Variants in LILRB1 observed in about 807,000 individuals in gnomAD.
LILRB1 encodes leukocyte immunoglobulin-like receptor subfamily B member 1.
Under a neutral mutation model 74.6 loss-of-function variants are expected in LILRB1, and 59 were observed. That is an observed-to-expected ratio of 0.79 (90% CI 0.64 to 0.98). LILRB1 has a LOEUF of 0.98. Among genes scored for constraint, LILRB1 ranks in the 50% least tolerant of loss-of-function variants. The pLI is 0.00. For missense variants in LILRB1, 804 were observed against 822.6 expected, an observed-to-expected ratio of 0.98 and a Z score of 0.28; for synonymous variants, 328 against 333.9, an observed-to-expected ratio of 0.98 and a Z score of 0.19.
chr19:54,632,675 C>A lies in LILRB1; in HGVS notation c.873C>A (p.Tyr291Ter). 1 of 1,613,550 alleles carries A rather than the reference C, an allele frequency of 6.2e-7. No individual in the cohort carries two copies. The highest frequency in any genetic ancestry group is 1.1e-5 in the South Asian group (1 of 91,054). Residue 291 changes from tyrosine to a stop codon, truncating the protein, a stop_gained, in exon 6 of 15, where the codon TAC (tyrosine) becomes TAA (stop). Coordinates refer to ENST00000324602, the MANE Select transcript of LILRB1 (RefSeq NM_001081637.3). LOFTEE classifies it high-confidence loss of function. ...CCCTGGGCCCTGTGAGCCGCTCCTA[C>A]GGGGGCCAGTACAGATGCTACGGTG... ...NFTLGPVSRS[Y>*]GGQYRCYGAH...
Position 54,636,883 on chromosome 19 carries a change from G to C in LILRB1, c.*5G>C, listed in dbSNP as rs1483732876. On this transcript the variant is annotated 3_prime_UTR_variant, in exon 15 of 15. Coordinates refer to ENST00000324602, the MANE Select transcript of LILRB1 (RefSeq NM_001081637.3). ...GCCACTCTGGCCATCCACTAGCCCA[G>C]GGGGGGACGCAGACCCCACACTCCA... The C allele has an allele frequency of 2.5e-6, 4 of 1,609,004 alleles. No individual in the cohort carries two copies. The highest frequency in any genetic ancestry group is 1.7e-5 in the Admixed American group (1 of 59,942).
intron 13 of LILRB1, 102 bp from the exon 14 acceptor site, chr19:54,636,392 C>T (rs999167442): frequency 8.4e-6 from 13 of 1,550,260 alleles, no homozygotes; most frequent in East Asian, 4.5e-5. Context: ...GAGATTCCAT[C>T]GGGAAAGGGA....
In LILRB1 at chr19:54,636,908, A is replaced by G. The variant is rs370106064; in HGVS notation, c.*30A>G. 5.3e-5 allele frequency: 86 copies of G among 1,612,512 alleles called. No individual in the cohort carries two copies. In the African/African-American group the frequency reaches 8.4e-4, roughly 16 times the overall value. On this transcript the variant is annotated 3_prime_UTR_variant, in exon 15 of 15. Transcript: ENST00000324602. ...GGGGGGGACGCAGACCCCACACTCC[A>G]TGGAGTCTGGAATGCATGGGAGCTG...
Position 54,631,286 on chromosome 19 carries a change from C to T in LILRB1, c.50C>T (p.Pro17Leu). 1.2e-6 allele frequency: 2 copies of T among 1,613,502 alleles called. No individual in the cohort carries two copies. Among genetic ancestry groups the T allele is most frequent in the Non-Finnish European group, 1.7e-6 (2 of 1,179,952 alleles). ...VLICLGLSLGPRTHVQAGHLP... is the reference protein window; with the variant it reads ...VLICLGLSLGLRTHVQAGHLP... ...TCTCTTCCAGGGCTGAGTCTGGGCC[C>T]CCGGACCCACGTGCAGGCAGGTGAG... The change falls in exon 3 of 15, where the codon CCC becomes CTC. Residue 17 changes from proline to leucine, a missense_variant. Transcript: ENST00000324602.
rs532303286 is a variant in LILRB1, at chr19:54,631,259, A to G, written c.35-12A>G. The G allele has an allele frequency of 3.2e-5, 52 of 1,613,508 alleles. No individual in the cohort carries two copies. The Admixed American group carries it at 6.8e-4, about 21-fold the overall frequency. On this transcript the variant is annotated splice_polypyrimidine_tract_variant and intron_variant, in intron 2 of 14. Transcript: ENST00000324602. ...TCAGGGGGCAAATCCCTCACCGGGA[A>G]CTCTCTTCCAGGGCTGAGTCTGGGC... is the stretch of plus-strand genomic sequence containing the variant.
At chr19:54,632,328 G>A in intron 5 of LILRB1, 91 bp downstream of exon 5, 2 of 1,557,848 alleles carry the variant, frequency 1.3e-6, no homozygotes, top group South Asian at 1.2e-5. Flanking sequence ...GTGGGATGAT[G>A]TTGGGGCGAG....
At position 54,634,629 on chromosome 19, in the gene LILRB1, A is replaced by G; in HGVS notation, c.1364-12A>G. ...TGACATCACCCCCATCCCTGACATCATCGTGCTCAAGGTCTGGGAAGGCAC... is the reference window on the plus strand; with the variant it reads ...TGACATCACCCCCATCCCTGACATCGTCGTGCTCAAGGTCTGGGAAGGCAC... On this transcript the variant is annotated splice_polypyrimidine_tract_variant and intron_variant, in intron 9 of 14. Coordinates refer to ENST00000324602, the MANE Select transcript of LILRB1 (RefSeq NM_001081637.3). The G allele has an allele frequency of 1.2e-6, 2 of 1,609,642 alleles. No homozygotes were observed. The highest frequency in any genetic ancestry group is 1.1e-5 in the South Asian group (1 of 90,628).
chr19:54,620,247 C>G (rs757339241), intron 1 of LILRB1, among the ~76,000 whole-genome samples: 5 of 151,940 alleles, frequency 3.3e-5, no homozygotes, highest in Non-Finnish European at 7.4e-5. Flanking sequence ...CTATTAAAAC[C>G]AGAGGGTATA....
In LILRB1 at chr19:54,631,536, G is replaced by C; in HGVS notation, c.107G>C (p.Gly36Ala). ...AAGCCCACCCTCTGGGCTGAACCAG[G>C]CTCTGTGATCACCCAGGGGAGTCCT... Reference protein sequence around the residue: ...LPKPTLWAEPGSVITQGSPVT... With the variant: ...LPKPTLWAEPASVITQGSPVT... Residue 36 changes from glycine to alanine, a missense_variant, in exon 4 of 15, where the codon GGC becomes GCC. Physicochemically the swap from Gly to Ala is moderately conservative, Grantham distance 60 (BLOSUM62 0). Coordinates refer to ENST00000324602, the MANE Select transcript of LILRB1 (RefSeq NM_001081637.3). The C allele has an allele frequency of 6.2e-7, 1 of 1,613,984 alleles. No individual in the cohort carries two copies. Among genetic ancestry groups the C allele is most frequent in the Non-Finnish European group, 8.5e-7 (1 of 1,179,914 alleles).
Position 54,633,314 on chromosome 19 carries a change from C to T in LILRB1, c.1257C>T (p.Val419=). The change falls in exon 7 of 15, where the codon GTC becomes GTT. Residue 419 remains valine (V), a synonymous_variant. Transcript: ENST00000324602. ...CCAGTGACCCCCTGGAGCTCGTGGT[C>T]TCAGGTGGGGGCCTTGACCCTGTCC... The part of the protein sequence containing the change: ...THPSDPLELV[V]SGPSGGPSSP... 6.2e-7 allele frequency: 1 copy of T among 1,613,674 alleles called. No individual in the cohort carries two copies. The highest frequency in any genetic ancestry group is 8.5e-7 in the Non-Finnish European group (1 of 1,179,686).
At chr19:54,630,397 G>T (rs2063738918), upstream of LILRB1, 5 of 332,956 alleles carry the variant, frequency 1.5e-5, no homozygotes, top group South Asian at 1.2e-4. Flanking sequence ...ATTTTAAAAA[G>T]GGGAAGTTAA....
intron 1 of LILRB1, among the ~76,000 whole-genome samples, chr19:54,618,201 T>C (rs2063364489): frequency 6.6e-6 from 1 of 151,922 alleles, no homozygotes; most frequent in Non-Finnish European, 1.5e-5. Context: ...GATGTACTTC[T>C]ATCAGCATGC....
rs1446271906 is a variant in LILRB1 at position 54,636,648 on chromosome 19, C to T, written c.1808C>T (p.Thr603Ile). Residue 603 changes from threonine to isoleucine, a missense_variant, in exon 14 of 15, where the codon ACT (threonine) becomes ATT (isoleucine). Thr to Ile is a moderately conservative substitution (Grantham distance 89). Transcript: ENST00000324602. ...GCGGAAGAGGACAGGCAGATGGACA[C>T]TGAGGTGAGTCCTTTCCTCTCCAGG... is the stretch of plus-strand genomic sequence containing the variant. ...RQAEEDRQMD[T>I]EAAASEAPQD... 4 of 1,610,850 alleles carry T rather than the reference C, an allele frequency of 2.5e-6. No individual in the cohort carries two copies.
intron 8 of LILRB1, 134 bp from the exon 9 acceptor site, chr19:54,633,837 G>T (rs908216766): frequency 1.4e-6 from 2 of 1,451,096 alleles, no homozygotes; most frequent in African/African-American, 1.4e-5. Context: ...GGTCCCCAGG[G>T]CTCTGAGGCT....
At chr19:54,625,597 G>A (rs1600326988), upstream of LILRB1, among the ~76,000 whole-genome samples, 2 of 152,156 alleles carry the variant, frequency 1.3e-5, no homozygotes, top group Non-Finnish European at 2.9e-5. Flanking sequence ...CTTTGTTAAG[G>A]AGCCTCTCAC....
At position 54,635,563 on chromosome 19, in the gene LILRB1, C is replaced by T. The variant is rs1188387328; in HGVS notation, c.1607C>T (p.Ala536Val). 1.9e-6 allele frequency: 3 copies of T among 1,613,194 alleles called. No homozygotes were observed. Among genetic ancestry groups the T allele is most frequent in the Admixed American group, 1.7e-5 (1 of 59,996 alleles). The change falls in exon 13 of 15, where the codon GCC becomes GTC. Residue 536 changes from alanine to valine, a missense_variant. By Grantham distance (64) the Ala-to-Val change is moderately conservative. Transcript: ENST00000324602. ...ADAQEENLYA[A>V]VKHTQPEDGV... is the part of the protein sequence containing the mutation. ...CCTTGCTCTGCCCCAGCAGATGCTG[C>T]CGTGAAGCACACACAGCCTGAGGAT...
At chr19:54,631,882 G>T in intron 4 of LILRB1, 53 bp from the exon 5 acceptor site, 4 of 1,607,304 alleles carry the variant, frequency 2.5e-6, no homozygotes, top group African/African-American at 1.3e-5. Context: ...CAGCCCTGGG[G>T]ATGACGCGGG....
At chr19:54,624,441 G>T (rs1038069394) in intron 1 of LILRB1, among the ~76,000 whole-genome samples, 9 of 152,096 alleles carry the variant, frequency 5.9e-5, no homozygotes, top group Non-Finnish European at 1.3e-4. Context: ...TGGTTCCAAG[G>T]CAGAGCCTCC....
At chr19:54,634,993 G>T in intron 10 of LILRB1, 111 bp from the exon 11 acceptor site, 1 of 1,425,542 alleles carries the variant, frequency 7.0e-7, no homozygotes, top group East Asian at 2.3e-5. Flanking sequence ...GAGGCATTTG[G>T]AACATGGAGG....
Sources: allele counts gnomAD v4.1 joint callset (sites outside exome capture counted in the v4.1 genomes callset), GRCh38; gene constraint gnomAD v4.1.1; transcripts MANE v1.5; gene names NCBI Gene and HGNC (gene_info 2026-07-23, HGNC 2026-07-21).